Variants in ZFYVE26 observed in about 807,000 individuals in gnomAD.
ZFYVE26 encodes zinc finger FYVE-type containing 26, also known as zinc finger FYVE domain-containing protein 26.
Under a neutral mutation model 276.5 loss-of-function variants are expected in ZFYVE26, and 181 were observed. That is an observed-to-expected ratio of 0.65 (90% CI 0.58 to 0.74). ZFYVE26 has a LOEUF of 0.74. Ranked by LOEUF, ZFYVE26 falls within the 30% of genes least tolerant of loss-of-function variation. The pLI is 0.00. For synonymous variants in ZFYVE26, 1,129 were observed against 1,203.1 expected (o/e 0.94, Z 1.27); for missense variants, 2,821 against 3,097.9 (o/e 0.91, Z 2.12).
rs191890138 is a variant in ZFYVE26, at chr14:67,749,492, A to G, written c.7417-853T>C. The stretch of plus-strand genomic sequence containing the variant: ...TCTCCCCAGCACCCCCTGGTTAAAC[A>G]GTGCTCTAGGCTGGTGAGCAGAGAG... On this transcript the variant is annotated intron_variant, in intron 41 of 41. Transcript: ENST00000347230. Among the ~76,000 whole-genome samples the G allele has an allele frequency of 3.0e-4, 45 of 152,240 alleles. 3 individuals carry two copies. The East Asian group carries it at 8.7e-3, about 29-fold the overall frequency.
intron 32 of ZFYVE26, among the ~76,000 whole-genome samples, chr14:67,764,889 C>T (rs1306658446): frequency 6.6e-6 from 1 of 152,176 alleles, no homozygotes; most frequent in East Asian, 1.9e-4. Flanking sequence ...AAAGGAAATA[C>T]AGGACTTGAT....
intron 35 of ZFYVE26, among the ~76,000 whole-genome samples, chr14:67,759,857 G>C (rs1457908253): frequency 1.3e-5 from 2 of 152,122 alleles, no homozygotes; most frequent in Non-Finnish European, 2.9e-5. Flanking sequence ...GTTTTAGAAA[G>C]CTCAGTCTTT....
intron 15 of ZFYVE26, 65 bp from the exon 16 acceptor site, chr14:67,789,663 G>C: frequency 6.2e-7 from 1 of 1,601,528 alleles, no homozygotes; most frequent in Non-Finnish European, 8.5e-7. Context: ...ACTTTTATTA[G>C]GTAAAGTAGT....
intron 41 of ZFYVE26, chr14:67,750,611 T>C (rs2038611639): frequency 4.5e-6 from 1 of 224,136 alleles, no homozygotes; most frequent in Non-Finnish European, 9.0e-6. Context: ...CGAGACATTG[T>C]TGGACATTGT....
intron 13 of ZFYVE26, chr14:67,733,640 T>C: frequency 1.3e-6 from 1 of 744,812 alleles, no homozygotes; most frequent in Non-Finnish European, 2.4e-6. Flanking sequence ...GAGTCTGGCA[T>C]ATATTGTATT....
intron 13 of ZFYVE26, chr14:67,735,455 C>T: frequency 1.7e-6 from 1 of 592,528 alleles, no homozygotes; most frequent in Non-Finnish European, 3.0e-6. Context: ...TCTGCACAAA[C>T]AATGCCGGGG....
chr14:67,731,207 C>CTCTTT, intron 13 of ZFYVE26, among the ~76,000 whole-genome samples: 1 of 90,622 alleles, frequency 1.1e-5, no homozygotes, highest in Non-Finnish European at 2.0e-5. Context: ...TTCTTTCTTT[C>CTCTTT]TTTTTTTTTT....
exon 14 of ZFYVE26, chr14:67,729,360 C>T (rs1566849581): frequency 1.3e-6 from 2 of 1,597,902 alleles, no homozygotes; most frequent in Admixed American, 1.7e-5. Flanking sequence ...GCCTGGAGCC[C>T]CTGAGTGGCA....
intron 21 of ZFYVE26, among the ~76,000 whole-genome samples, chr14:67,782,387 C>T (rs2235966): frequency 0.6 from 91,779 of 152,114 alleles, 28,696 homozygotes; most frequent in East Asian, 0.85. Flanking sequence ...TAGTTACGAG[C>T]GAGACTGTGG....
At chr14:67,740,191 C>T (rs2038399466) in intron 13 of ZFYVE26, among the ~76,000 whole-genome samples, 1 of 152,108 alleles carries the variant, frequency 6.6e-6, no homozygotes, top group Non-Finnish European at 1.5e-5. Flanking sequence ...CTGTTTTCAT[C>T]TTAATAAAAT....
At chr14:67,736,066 A>G (rs952546293) in intron 13 of ZFYVE26, among the ~76,000 whole-genome samples, 1 of 152,216 alleles carries the variant, frequency 6.6e-6, no homozygotes, top group Non-Finnish European at 1.5e-5. Context: ...TTAAGTCCCA[A>G]ACCATGCAAT....
rs569792401 is a variant in ZFYVE26, at chr14:67,758,477, T to C, written c.6589-2332A>G. On this transcript the variant is annotated intron_variant, in intron 35 of 41. Coordinates refer to ENST00000347230, the MANE Select transcript of ZFYVE26 (RefSeq NM_015346.4). Reference sequence around the variant, plus strand: ...ATAAGTAAAATATAGGCCTTCTTGGTCCAGATGGAAAGACTCAATTGTAAA... The same window carrying C: ...ATAAGTAAAATATAGGCCTTCTTGGCCCAGATGGAAAGACTCAATTGTAAA... Among the ~76,000 whole-genome samples the C allele has an allele frequency of 7.2e-5, 11 of 152,210 alleles. No homozygotes were observed. The East Asian group carries it at 2.1e-3, about 29-fold the overall frequency.
In ZFYVE26 at chr14:67,781,318, T is replaced by G. The variant is rs778011742; in HGVS notation, c.4569+15A>C. ...GAGAAGCCCGTTCCCTTTCTCTTGA[T>G]GCGAGGGCCCATACCTTCTGATACA... is the stretch of plus-strand genomic sequence containing the variant. On this transcript the variant is annotated intron_variant, in intron 22 of 41. Coordinates refer to ENST00000347230, the MANE Select transcript of ZFYVE26 (RefSeq NM_015346.4). 11 of 1,613,864 alleles carry G rather than the reference T, an allele frequency of 6.8e-6. No homozygotes were observed. In the Admixed American group the frequency reaches 1.5e-4, roughly 22 times the overall value.
chr14:67,745,862 C>CA (rs36137897), downstream of ZFYVE26, among the ~76,000 whole-genome samples: 53,903 of 131,226 alleles, frequency 0.41, 11,042 homozygotes, highest in South Asian at 0.66. Flanking sequence ...ACTGTCTCTA[C>CA]AAAAAATAAA....
chr14:67,733,577 C>G (rs557519647), intron 13 of ZFYVE26, among the ~76,000 whole-genome samples: 5 of 152,142 alleles, frequency 3.3e-5, no homozygotes, highest in Non-Finnish European at 7.3e-5. Flanking sequence ...TACTATATCA[C>G]AAATTTGTTT....
intron 21 of ZFYVE26, 66 bp from the exon 22 acceptor site, chr14:67,781,595 T>C: frequency 2.0e-6 from 3 of 1,475,150 alleles, no homozygotes; most frequent in Non-Finnish European, 2.8e-6. Flanking sequence ...GAGTCCAGGT[T>C]ACTTCTTGAG....
chr14:67,804,116 G>A lies in ZFYVE26; in HGVS notation c.1420C>T (p.Pro474Ser), dbSNP rs2040130137. 6.2e-7 allele frequency: 1 copy of A among 1,614,016 alleles called. No homozygotes were observed. The highest frequency in any genetic ancestry group is 1.7e-5 in the Admixed American group (1 of 60,010). The change falls in exon 9 of 42, where the codon CCC (proline) becomes TCC (serine). Residue 474 changes from proline to serine, a missense_variant. Physicochemically the swap from Pro to Ser is moderately conservative, Grantham distance 74 (BLOSUM62 -1). Coordinates refer to ENST00000347230, the MANE Select transcript of ZFYVE26 (RefSeq NM_015346.4). ...CCCAACTCACCAGGCTCTTGCTGGG[G>A]GTCCTTGGCTGGCACTTTCTGTAAG... The part of the protein sequence containing the change: ...KLLQKVPAKD[P>S]QQEPDAVDAP...
chr14:67,809,236 T>G lies in ZFYVE26; in HGVS notation c.327A>C (p.Glu109Asp). The G allele has an allele frequency of 6.2e-7, 1 of 1,614,070 alleles. No homozygotes were observed. Among genetic ancestry groups the G allele is most frequent in the Non-Finnish European group, 8.5e-7 (1 of 1,180,022 alleles). Reference protein sequence around the residue: ...RRKLEFLLLSEDLQGDIPENI... With the variant: ...RRKLEFLLLSDDLQGDIPENI... ...TCTCTGGAATGTCACCTTGGAGGTC[T>G]TCTGACAATAAAAGAAACTCAAGCT... Residue 109 changes from glutamate (E) to aspartate (D), a missense_variant, in exon 4 of 42, where the codon GAA becomes GAC. By Grantham distance (45) the Glu-to-Asp change is conservative (BLOSUM62 2). Coordinates refer to ENST00000347230, the MANE Select transcript of ZFYVE26 (RefSeq NM_015346.4).
Position 67,807,589 on chromosome 14 carries a change from A to G in ZFYVE26, c.695T>C (p.Leu232Pro), listed in dbSNP as rs201426420. The G allele has an allele frequency of 2.5e-6, 4 of 1,614,018 alleles. No individual in the cohort carries two copies. The highest frequency in any genetic ancestry group is 1.3e-5 in the African/African-American group (1 of 74,908). The change falls in exon 5 of 42, where the codon CTT becomes CCT. Residue 232 changes from leucine (L) to proline (P), a missense_variant. Coordinates refer to ENST00000347230, the MANE Select transcript of ZFYVE26 (RefSeq NM_015346.4). ...ACACAGGAGATGCAACTCAACCCCA[A>G]GTGGTTCTGCGGGGCAACGCAGAGT... Reference protein sequence around the residue: ...LRTLRCPAEPLGVELHLLCEE... With the variant: ...LRTLRCPAEPPGVELHLLCEE...
Sources: allele counts gnomAD v4.1 joint callset (sites outside exome capture counted in the v4.1 genomes callset), GRCh38; gene constraint gnomAD v4.1.1; transcripts MANE v1.5; gene names NCBI Gene and HGNC (gene_info 2026-07-23, HGNC 2026-07-21).